The following PCDH9 variants were observed in gnomAD, a reference collection of about 807,000 sequenced individuals.
PCDH9 encodes the protein protocadherin 9.
PCDH9 carries 24 observed loss-of-function variants against 70.6 expected under a neutral mutation model. The observed-to-expected ratio is 0.34, with a 90% CI of 0.25 to 0.48. The LOEUF (loss-of-function observed/expected upper bound fraction) is 0.48, where lower values mean the gene tolerates loss of function less well. Among genes scored for constraint, PCDH9 ranks in the 20% least tolerant of loss-of-function variants. PCDH9 has a pLI of 0.99. For synonymous variants in PCDH9, 562 were observed against 558.5 expected (o/e 1.01, Z -0.09); for missense variants, 1,281 against 1,503.6 (o/e 0.85, Z 2.45).
chr13:67,028,067 G>A (rs1392158495), intron 2 of PCDH9, among the ~76,000 whole-genome samples: 1 of 151,120 alleles, frequency 6.6e-6, no homozygotes, highest in South Asian at 2.1e-4. Context: ...TCCCATTACT[G>A]AGTATATACC....
At chr13:66,500,663 C>G (rs1959172348) in intron 4 of PCDH9, among the ~76,000 whole-genome samples, 1 of 152,022 alleles carries the variant, frequency 6.6e-6, no homozygotes, top group African/African-American at 2.4e-5. Context: ...ATAACTTTAA[C>G]CTATTTTATT....
intron 2 of PCDH9, among the ~76,000 whole-genome samples, chr13:67,145,436 G>C (rs945989807): frequency 2.6e-5 from 4 of 151,814 alleles, no homozygotes; most frequent in Middle Eastern, 3.2e-3. Flanking sequence ...ACCTCATTTA[G>C]TACCACAGAA....
At chr13:67,057,014 T>C (rs112462026) in intron 2 of PCDH9, among the ~76,000 whole-genome samples, 206 of 152,298 alleles carry the variant, frequency 1.4e-3, no homozygotes, top group African/African-American at 4.8e-3. Flanking sequence ...TTCATGACCA[T>C]ACAGAGACTT....
At chr13:66,865,915 T>G (rs2081566668) in intron 3 of PCDH9, among the ~76,000 whole-genome samples, 1 of 152,248 alleles carries the variant, frequency 6.6e-6, no homozygotes, top group Non-Finnish European at 1.5e-5. Context: ...TGTGTAGAAT[T>G]CAAGGCTATC....
At chr13:66,486,460 C>G (rs57086492) in intron 4 of PCDH9, among the ~76,000 whole-genome samples, 3,732 of 150,626 alleles carry the variant, frequency 0.025, 168 homozygotes, top group African/African-American at 0.087. Context: ...CTGTCCCCCC[C>G]CCACAAAAAA....
Position 66,354,854 on chromosome 13 carries a change from A to G in PCDH9, c.3341-49826T>C, listed in dbSNP as rs150834013. Among the ~76,000 whole-genome samples the G allele has an allele frequency of 1.4e-3, 206 of 152,240 alleles. 1 individual carries two copies. The Middle Eastern group carries it at 0.031, about 23-fold the overall frequency. On this transcript the variant is annotated intron_variant, in intron 4 of 4. Transcript: ENST00000377865. Reference sequence around the variant, plus strand: ...CAACTTTTGCCTGGACAGACAAGGCAGACATTATTATCACTTTACCAATTA... The same window carrying G: ...CAACTTTTGCCTGGACAGACAAGGCGGACATTATTATCACTTTACCAATTA...
At chr13:66,451,466 T>C (rs1041254724) in intron 4 of PCDH9, among the ~76,000 whole-genome samples, 1 of 152,218 alleles carries the variant, frequency 6.6e-6, no homozygotes, top group African/African-American at 2.4e-5. Context: ...TTGATTAATT[T>C]CAATATGCCT....
At chr13:66,874,943 G>GT (rs397963746) in intron 3 of PCDH9, among the ~76,000 whole-genome samples, 6 of 70,018 alleles carry the variant, frequency 8.6e-5, no homozygotes, top group African/African-American at 2.9e-4. Context: ...GTGTGTGTGT[G>GT]AGAGAGAGAG....
chr13:66,461,266 C>A (rs971021391), intron 4 of PCDH9, among the ~76,000 whole-genome samples: 4 of 151,754 alleles, frequency 2.6e-5, no homozygotes, highest in African/African-American at 9.7e-5. Flanking sequence ...AGAAAATTCT[C>A]TTTGCATAGT....
At chr13:67,087,087 T>TAAAAA (rs36017495) in intron 2 of PCDH9, among the ~76,000 whole-genome samples, 2 of 123,764 alleles carry the variant, frequency 1.6e-5, no homozygotes, top group Admixed American at 1.7e-4. Context: ...TGATGTTTTG[T>TAAAAA]AAAAAAAAAA....
At chr13:67,064,578 G>A (rs2085604653) in intron 2 of PCDH9, among the ~76,000 whole-genome samples, 5 of 152,040 alleles carry the variant, frequency 3.3e-5, no homozygotes. Flanking sequence ...TCTGTTCCTT[G>A]TAGAATATGA....
At chr13:66,941,233 C>T (rs1035033564) in intron 2 of PCDH9, among the ~76,000 whole-genome samples, 4 of 149,524 alleles carry the variant, frequency 2.7e-5, no homozygotes, top group Non-Finnish European at 1.5e-5. Context: ...TACTATAAAC[C>T]CTAAAGCAAC....
chr13:67,153,118 G>T (rs1404527640), intron 2 of PCDH9, among the ~76,000 whole-genome samples: 1 of 151,602 alleles, frequency 6.6e-6, no homozygotes, highest in Non-Finnish European at 1.5e-5. Flanking sequence ...CCCAGTCTAG[G>T]CAGCCTCTTT....
At chr13:66,596,610 C>T (rs1050859886) in intron 4 of PCDH9, among the ~76,000 whole-genome samples, 2 of 151,582 alleles carry the variant, frequency 1.3e-5, no homozygotes, top group Non-Finnish European at 3.0e-5. Flanking sequence ...TAAATGGATG[C>T]ATCAAATACG....
chr13:66,531,872 G>A (rs1336635473), intron 4 of PCDH9, among the ~76,000 whole-genome samples: 2 of 152,096 alleles, frequency 1.3e-5, no homozygotes, highest in Non-Finnish European at 2.9e-5. Flanking sequence ...TAGGCTACAT[G>A]CTTGCATTAA....
At chr13:66,699,348 C>T (rs2078606791) in intron 3 of PCDH9, among the ~76,000 whole-genome samples, 1 of 152,076 alleles carries the variant, frequency 6.6e-6, no homozygotes, top group South Asian at 2.1e-4. Flanking sequence ...ATGGCGGTTC[C>T]CCAAAACAAA....
At chr13:66,879,309 C>T (rs1200670592) in intron 3 of PCDH9, among the ~76,000 whole-genome samples, 1 of 152,142 alleles carries the variant, frequency 6.6e-6, no homozygotes, top group East Asian at 1.9e-4. Flanking sequence ...AAATACAAAT[C>T]TTAAGCTAAT....
intron 4 of PCDH9, among the ~76,000 whole-genome samples, chr13:66,425,439 C>G (rs1957652052): frequency 6.6e-6 from 1 of 151,550 alleles, no homozygotes; most frequent in South Asian, 2.1e-4. Flanking sequence ...CAAAATGCAG[C>G]CAATAAACTG....
At chr13:66,369,144 C>A (rs910232287) in intron 4 of PCDH9, among the ~76,000 whole-genome samples, 1 of 152,062 alleles carries the variant, frequency 6.6e-6, no homozygotes, top group East Asian at 1.9e-4. Context: ...GCTGCATCTG[C>A]CCTTAAATGT....
Sources: gnomAD v4.1 joint callset for allele counts (sites outside exome capture counted in the v4.1 genomes callset) on GRCh38, gnomAD v4.1.1 for gene constraint, MANE v1.5 for transcripts, NCBI Gene and HGNC (gene_info 2026-07-23, HGNC 2026-07-21) for gene names.